TTC1: variants seen among roughly 807,000 people sequenced by gnomAD.
TTC1 encodes tetratricopeptide repeat protein 1.
In TTC1, 31 loss-of-function variants were observed where a neutral mutation model predicts 37.6. The observed-to-expected ratio is 0.82, with a 90% CI of 0.62 to 1.11. TTC1 has a LOEUF of 1.11. TTC1 is among the 50% of genes most tolerant of loss of function. The pLI is 0.00. For synonymous variants in TTC1, 127 were observed against 122.4 expected (o/e 1.04, Z -0.25); for missense variants, 351 against 339.0 (o/e 1.04, Z -0.28).
chr5:160,014,633 G>T (rs1181523475), intron 2 of TTC1, among the ~76,000 whole-genome samples: 1 of 152,108 alleles, frequency 6.6e-6, no homozygotes, highest in Middle Eastern at 3.2e-3. Flanking sequence ...AGCCTGGGAA[G>T]TCAAGGCTGC....
chr5:160,047,758 CT>C (rs1757289715), intron 5 of TTC1, among the ~76,000 whole-genome samples: 1 of 152,198 alleles, frequency 6.6e-6, no homozygotes, highest in Admixed American at 6.5e-5. Context: ...GTTGGTCCCT[CT>C]TCCTGGCACG....
intron 7 of TTC1, among the ~76,000 whole-genome samples, chr5:160,054,466 T>C (rs2113404830): frequency 6.6e-6 from 1 of 152,098 alleles, no homozygotes; most frequent in South Asian, 2.1e-4. Context: ...TCTTTAAAAA[T>C]TAGCCAGGCG....
At chr5:160,029,481 C>CAAAA (rs61227502) in intron 2 of TTC1, among the ~76,000 whole-genome samples, 61 of 79,866 alleles carry the variant, frequency 7.6e-4, no homozygotes, top group Admixed American at 1.3e-3. Flanking sequence ...CCCATCTCTA[C>CAAAA]AAAAAAAAAA....
intron 7 of TTC1, among the ~76,000 whole-genome samples, chr5:160,052,574 AC>A (rs1360106838): frequency 2.0e-5 from 3 of 148,132 alleles, no homozygotes; most frequent in Non-Finnish European, 4.5e-5. Context: ...AAAAAAAAAA[AC>A]TGTTTGCATT....
chr5:160,034,977 G>GT (rs1171096032), intron 2 of TTC1, among the ~76,000 whole-genome samples, 163 bp from the exon 3 acceptor site: 2 of 151,964 alleles, frequency 1.3e-5, no homozygotes, highest in Non-Finnish European at 2.9e-5. Context: ...ATGGTCATGT[G>GT]TTTTTTTTCC....
At chr5:160,041,313 C>CTTTTTT (rs368094676) in intron 4 of TTC1, among the ~76,000 whole-genome samples, 3 of 135,610 alleles carry the variant, frequency 2.2e-5, no homozygotes, top group South Asian at 2.3e-4. Context: ...TGCTTTCTTT[C>CTTTTTT]TTTTTTTTTT....
At chr5:160,064,903 TC>T in intron 7 of TTC1, 28 bp from the exon 8 acceptor site, 1 of 1,602,428 alleles carries the variant, frequency 6.2e-7, no homozygotes, top group Non-Finnish European at 8.5e-7. Context: ...ATTCCTGTAT[TC>T]ATTTGAGTTT....
At chr5:160,015,993 G>A (rs2113343245) in intron 2 of TTC1, among the ~76,000 whole-genome samples, 1 of 152,322 alleles carries the variant, frequency 6.6e-6, no homozygotes, top group Middle Eastern at 3.4e-3. Context: ...AGACCTATTG[G>A]GAGGGTATAG....
chr5:160,015,128 G>A (rs1756577870), intron 2 of TTC1, among the ~76,000 whole-genome samples: 2 of 152,184 alleles, frequency 1.3e-5, no homozygotes, highest in Non-Finnish European at 2.9e-5. Flanking sequence ...TAGAGTTTTA[G>A]AGGGTTGGAA....
chr5:160,024,502 C>T (rs376983131), intron 2 of TTC1, among the ~76,000 whole-genome samples: 4 of 152,042 alleles, frequency 2.6e-5, no homozygotes, highest in South Asian at 2.1e-4. Context: ...TAGTTGATGA[C>T]AGTTCCTTTA....
intron 5 of TTC1, among the ~76,000 whole-genome samples, chr5:160,044,688 CTT>C (rs1757169439): frequency 6.6e-6 from 1 of 152,178 alleles, no homozygotes; most frequent in Non-Finnish European, 1.5e-5. Flanking sequence ...TGGCCAGCCT[CTT>C]TACTGCATCC....
intron 7 of TTC1, among the ~76,000 whole-genome samples, chr5:160,053,036 A>G (rs1210498671): frequency 6.6e-6 from 1 of 152,208 alleles, no homozygotes; most frequent in African/African-American, 2.4e-5. Flanking sequence ...CCCACAATAG[A>G]TAACCTAGAA....
intron 2 of TTC1, among the ~76,000 whole-genome samples, chr5:160,031,254 T>C (rs1321172711): frequency 6.6e-6 from 1 of 152,204 alleles, no homozygotes; most frequent in East Asian, 1.9e-4. Flanking sequence ...AAGCAGCAGT[T>C]CTTTTTCAAT....
intron 2 of TTC1, among the ~76,000 whole-genome samples, chr5:160,023,503 G>A (rs1239353759): frequency 6.6e-6 from 1 of 152,034 alleles, no homozygotes; most frequent in Admixed American, 6.5e-5. Flanking sequence ...GTGTTGCCCA[G>A]GCTGAAGTTT....
intron 2 of TTC1, among the ~76,000 whole-genome samples, chr5:160,028,563 TC>T (rs1366935286): frequency 6.6e-6 from 1 of 152,114 alleles, no homozygotes; most frequent in African/African-American, 2.4e-5. Flanking sequence ...GGCCTCAACT[TC>T]CTGGGCTCAA....
chr5:160,017,647 T>A (rs1264377404), intron 2 of TTC1, among the ~76,000 whole-genome samples: 1 of 152,222 alleles, frequency 6.6e-6, no homozygotes, highest in East Asian at 1.9e-4. Context: ...ATGGACTGCT[T>A]GTCACAGTGC....
At chr5:160,012,174 A>G (rs989145464) in intron 2 of TTC1, among the ~76,000 whole-genome samples, 1 of 152,192 alleles carries the variant, frequency 6.6e-6, no homozygotes, top group Admixed American at 6.5e-5. Flanking sequence ...TTAAAAAGTT[A>G]GTAGTGCTTT....
At chr5:160,034,641 G>A (rs902604373) in intron 2 of TTC1, among the ~76,000 whole-genome samples, 3 of 152,108 alleles carry the variant, frequency 2.0e-5, no homozygotes, top group Non-Finnish European at 2.9e-5. Context: ...GCAGCTTTAT[G>A]TATATTATGA....
intron 4 of TTC1, among the ~76,000 whole-genome samples, chr5:160,042,352 C>A (rs1310387840): frequency 6.6e-6 from 1 of 152,156 alleles, no homozygotes; most frequent in Non-Finnish European, 1.5e-5. Context: ...ATTTGAAATA[C>A]CTTATTTCTG....
Sources: allele counts gnomAD v4.1 joint callset (sites outside exome capture counted in the v4.1 genomes callset), GRCh38; gene constraint gnomAD v4.1.1; transcripts MANE v1.5; gene names NCBI Gene and HGNC (gene_info 2026-07-23, HGNC 2026-07-21).